PDE10A: variants seen among roughly 807,000 people sequenced by gnomAD.
PDE10A encodes the protein phosphodiesterase 10A.
PDE10A carries 39 observed loss-of-function variants against 97.7 expected under a neutral mutation model. That is an observed-to-expected ratio of 0.40 (90% confidence interval 0.31 to 0.52). The LOEUF (loss-of-function observed/expected upper bound fraction) is 0.52. PDE10A is among the 20% of genes least tolerant of loss of function. The pLI, the probability that PDE10A is intolerant of heterozygous loss-of-function variation, is 0.56. For missense variants in PDE10A, 731 were observed against 1,047.8 expected, an observed-to-expected ratio of 0.70 and a Z score of 4.17; for synonymous variants, 371 against 376.8, an observed-to-expected ratio of 0.98 and a Z score of 0.18.
chr6:165,530,672 C>A (rs921003512), intron 2 of PDE10A, among the ~76,000 whole-genome samples: 1 of 152,084 alleles, frequency 6.6e-6, no homozygotes, highest in Non-Finnish European at 1.5e-5. Context: ...AAACTTTATT[C>A]TTTGATGCTC....
intron 1 of PDE10A, among the ~76,000 whole-genome samples, chr6:165,839,898 C>CATCCTCATCTGCATCTCCATCT (rs1562762570): frequency 1.2e-3 from 2 of 1,690 alleles, no homozygotes; most frequent in Non-Finnish European, 2.4e-3. Flanking sequence ...CATCCCCATT[C>CATCCTCATCTGCATCTCCATCT]CCATCTCCAA....
At chr6:165,779,030 T>C (rs1279764606) in intron 1 of PDE10A, among the ~76,000 whole-genome samples, 1 of 152,222 alleles carries the variant, frequency 6.6e-6, no homozygotes, top group Non-Finnish European at 1.5e-5. Flanking sequence ...TGTAATAGGG[T>C]CAAGTTTAAC....
intron 3 of PDE10A, among the ~76,000 whole-genome samples, chr6:165,451,553 C>T (rs1181901017): frequency 6.6e-6 from 1 of 152,226 alleles, no homozygotes; most frequent in African/African-American, 2.4e-5. Context: ...GCGTCTCACA[C>T]CCCACTCTGT....
At chr6:165,652,432 C>T (rs1789730905) in intron 1 of PDE10A, among the ~76,000 whole-genome samples, 2 of 152,006 alleles carry the variant, frequency 1.3e-5, no homozygotes, top group Admixed American at 1.3e-4. Flanking sequence ...AGCAGTGCTC[C>T]CACCTAAGCC....
chr6:165,513,181 T>TA (rs1010255813), intron 2 of PDE10A, among the ~76,000 whole-genome samples: 1 of 152,070 alleles, frequency 6.6e-6, no homozygotes. Context: ...GCTCTTACAG[T>TA]AAGGCATATG....
intron 1 of PDE10A, among the ~76,000 whole-genome samples, chr6:165,750,539 T>C (rs1792974131): frequency 6.6e-6 from 1 of 152,150 alleles, no homozygotes; most frequent in South Asian, 2.1e-4. Context: ...GGCGAATTTA[T>C]TTCCCCACCC....
rs778578877 is a variant in PDE10A at position 165,655,056 on chromosome 6, G to A, written c.865+6891C>T. On this transcript the variant is annotated intron_variant, in intron 1 of 21. Coordinates refer to ENST00000539869, the MANE Select transcript of PDE10A (RefSeq NM_001385079.1). This position sits in a 1 kb window ranked among gnomAD's most constrained non-coding sequence, Gnocchi z 4.5. Reference sequence around the variant, plus strand: ...GAGTCCAAATCTCTCTTTCTACTCCGGCTCATAGCACAGAATTCCAGCGGG... The same window carrying A: ...GAGTCCAAATCTCTCTTTCTACTCCAGCTCATAGCACAGAATTCCAGCGGG... 2.6e-5 allele frequency among the ~76,000 whole-genome samples: 4 copies of A among 152,094 alleles called. No homozygotes were observed. Among genetic ancestry groups the A allele is most frequent in the African/African-American group, 9.7e-5 (4 of 41,424 alleles).
At chr6:165,463,531 G>C (rs1389684958) in intron 3 of PDE10A, among the ~76,000 whole-genome samples, 1 of 152,236 alleles carries the variant, frequency 6.6e-6, no homozygotes, top group African/African-American at 2.4e-5. Flanking sequence ...TAATTTCAAT[G>C]ATGATTGTGC....
intron 1 of PDE10A, among the ~76,000 whole-genome samples, chr6:165,962,203 T>C (rs1784382360): frequency 6.6e-6 from 1 of 152,224 alleles, no homozygotes; most frequent in Non-Finnish European, 1.5e-5. Context: ...CAGATATCTA[T>C]GTGTTGCTTG....
At chr6:165,921,954 G>T (rs1356583563) in intron 1 of PDE10A, among the ~76,000 whole-genome samples, 1 of 152,188 alleles carries the variant, frequency 6.6e-6, no homozygotes, top group Non-Finnish European at 1.5e-5. Context: ...TAGAAGCTGA[G>T]GGGCCAGTTG....
At chr6:165,885,518 G>T (rs1230412987) in intron 1 of PDE10A, among the ~76,000 whole-genome samples, 1 of 152,200 alleles carries the variant, frequency 6.6e-6, no homozygotes, top group Non-Finnish European at 1.5e-5. Context: ...GTGGAGACAC[G>T]GAGGCAAACC....
rs181758296 is a variant in PDE10A at position 165,545,800 on chromosome 6, A to C, written c.866-2232T>G. 4.5e-3 allele frequency among the ~76,000 whole-genome samples: 687 copies of C among 152,188 alleles called. 2 individuals are homozygous for C. The highest frequency in any genetic ancestry group is 7.3e-3 in the Non-Finnish European group (495 of 67,902). On this transcript the variant is annotated intron_variant, in intron 1 of 21. Coordinates refer to ENST00000539869, the MANE Select transcript of PDE10A (RefSeq NM_001385079.1). ...TGGATGCAAAGCAACAAAAATTATC[A>C]TTTAATCATGATAAGGATGCAAAAT...
intron 1 of PDE10A, among the ~76,000 whole-genome samples, chr6:165,750,640 C>T (rs1792977772): frequency 6.6e-6 from 1 of 152,224 alleles, no homozygotes; most frequent in Non-Finnish European, 1.5e-5. Flanking sequence ...ACAGCCTGCA[C>T]ATTTTCTTCA....
At chr6:165,973,559 A>G (rs1784759528) in intron 1 of PDE10A, among the ~76,000 whole-genome samples, 1 of 116,530 alleles carries the variant, frequency 8.6e-6, no homozygotes, top group Non-Finnish European at 1.7e-5. Flanking sequence ...CAAAAGCTTA[A>G]AATCTTTTTT....
At chr6:165,430,174 G>T in intron 9 of PDE10A, 113 bp downstream of exon 9, 1 of 696,096 alleles carries the variant, frequency 1.4e-6, no homozygotes, top group Non-Finnish European at 2.5e-6. Flanking sequence ...TACTTGTAAA[G>T]ACGGATCTTC....
chr6:165,649,125 A>T (rs1248401077), intron 1 of PDE10A, among the ~76,000 whole-genome samples: 1 of 152,188 alleles, frequency 6.6e-6, no homozygotes, highest in Non-Finnish European at 1.5e-5. Flanking sequence ...ACCTGAAGAG[A>T]TCTCACGAGG....
chr6:165,586,339 ACT>A (rs1785911035), intron 1 of PDE10A, among the ~76,000 whole-genome samples: 1 of 152,224 alleles, frequency 6.6e-6, no homozygotes, highest in Non-Finnish European at 1.5e-5. Context: ...CCATTAAGTT[ACT>A]GCACAAGTAA....
intron 16 of PDE10A, among the ~76,000 whole-genome samples, chr6:165,389,584 A>G (rs1050637952): frequency 2.6e-5 from 4 of 152,304 alleles, no homozygotes; most frequent in East Asian, 1.9e-4. Flanking sequence ...GAGGGAGGTC[A>G]GGAGCTCACA....
chr6:165,740,312 G>C (rs1053394215), intron 1 of PDE10A, among the ~76,000 whole-genome samples: 1 of 116,482 alleles, frequency 8.6e-6, no homozygotes, highest in African/African-American at 3.7e-5. Flanking sequence ...TATATATGGA[G>C]AGAAAGAGAG....
Sources: allele counts gnomAD v4.1 joint callset (sites outside exome capture counted in the v4.1 genomes callset), GRCh38; gene constraint gnomAD v4.1.1; non-coding constraint Gnocchi (gnomAD v3.1); transcripts MANE v1.5; gene names NCBI Gene and HGNC (gene_info 2026-07-23, HGNC 2026-07-21).